TIMELESS: variants seen among roughly 807,000 people sequenced by gnomAD.
TIMELESS encodes protein timeless homolog.
In TIMELESS, 124 loss-of-function variants were observed where a neutral mutation model predicts 164.3. The ratio of observed to expected loss-of-function variants is 0.75; its 90% CI spans 0.65 to 0.88. The LOEUF (loss-of-function observed/expected upper bound fraction) is 0.88, where lower values mean the gene tolerates loss of function less well. Ranked by LOEUF, TIMELESS falls within the 40% of genes least tolerant of loss-of-function variation. TIMELESS has a pLI of 0.00. For synonymous variants in TIMELESS, 564 were observed against 563.4 expected (o/e 1.00, Z -0.02); for missense variants, 1,422 against 1,491.4 (o/e 0.95, Z 0.77).
intron 1 of TIMELESS, among the ~76,000 whole-genome samples, chr12:56,448,718 G>T (rs911215872): frequency 4.0e-5 from 6 of 151,448 alleles, no homozygotes; most frequent in African/African-American, 1.5e-4. Context: ...GACAGAACGA[G>T]ACTCCGTCTC....
At chr12:56,428,508 G>GA (rs1314686759) in intron 12 of TIMELESS, 41 bp downstream of exon 12, 2 of 1,610,250 alleles carry the variant, frequency 1.2e-6, no homozygotes, top group Admixed American at 1.7e-5. Context: ...CTCATCACGA[G>GA]ATGGGACAGG....
intron 1 of TIMELESS, among the ~76,000 whole-genome samples, chr12:56,442,200 A>C (rs1211748609): frequency 6.6e-6 from 1 of 152,158 alleles, no homozygotes; most frequent in Non-Finnish European, 1.5e-5. Flanking sequence ...AAAAAAACTA[A>C]AAAACTAGTA....
rs766877866 is a variant in TIMELESS, at chr12:56,424,928, A to G, written c.1717-15T>C. ...AGCTCAGAATTCTAGAGATGGATAA[A>G]GCTATGGGAGCGGAGGGAGTGGAAA... is the stretch of plus-strand genomic sequence containing the variant. On this transcript the variant is annotated splice_polypyrimidine_tract_variant and intron_variant, in intron 14 of 28. Transcript: ENST00000553532. 6.2e-7 allele frequency: 1 copy of G among 1,614,188 alleles called. No individual in the cohort carries two copies. The highest frequency in any genetic ancestry group is 1.1e-5 in the South Asian group (1 of 91,092).
At chr12:56,430,351 T>C in intron 9 of TIMELESS, 70 bp from the exon 10 acceptor site, 2 of 1,521,404 alleles carry the variant, frequency 1.3e-6, no homozygotes, top group South Asian at 1.3e-5. Flanking sequence ...CTCGTCAATT[T>C]TCTCAGAAGA....
intron 13 of TIMELESS, among the ~76,000 whole-genome samples, chr12:56,427,719 G>C (rs1364220674): frequency 6.6e-6 from 1 of 152,160 alleles, no homozygotes; most frequent in Non-Finnish European, 1.5e-5. Context: ...GGGATTACAG[G>C]TGTGCATCAA....
chr12:56,422,678 T>C (rs1881535391), intron 19 of TIMELESS, among the ~76,000 whole-genome samples, 169 bp downstream of exon 19: 1 of 152,180 alleles, frequency 6.6e-6, no homozygotes, highest in African/African-American at 2.4e-5. Context: ...GCTCCTCTCT[T>C]GGATAACTTT....
chr12:56,417,738 A>G lies in TIMELESS; in HGVS notation c.3605T>C (p.Ile1202Thr). 1 of 1,613,942 alleles carries G rather than the reference A, an allele frequency of 6.2e-7. No individual in the cohort carries two copies. The highest frequency in any genetic ancestry group is 1.3e-5 in the African/African-American group (1 of 74,966). Reference sequence around the variant, plus strand: ...TCTTCAGTCATCCTCATCATCCTCAATCTGGTATCGTTTCTTCTTTTGGAT... The same window carrying G: ...TCTTCAGTCATCCTCATCATCCTCAGTCTGGTATCGTTTCTTCTTTTGGAT... Reference protein sequence around the residue: ...PGIQKKKRYQIEDDEDD With the variant: ...PGIQKKKRYQTEDDEDD Residue 1202 changes from isoleucine to threonine, a missense_variant, in exon 29 of 29, where the codon ATT (isoleucine) becomes ACT (threonine). Coordinates refer to ENST00000553532, the MANE Select transcript of TIMELESS (RefSeq NM_003920.5).
Position 56,431,004 on chromosome 12 carries a change from T to C in TIMELESS, c.822-36A>G, listed in dbSNP as rs6581093. ...AAAAAGGTCCAAGGTGATTTTTCAGTTCTCTGGAAACTTTATCTCCATTCT... is the reference window on the plus strand; with the variant it reads ...AAAAAGGTCCAAGGTGATTTTTCAGCTCTCTGGAAACTTTATCTCCATTCT... On this transcript the variant is annotated intron_variant, in intron 8 of 28. Coordinates refer to ENST00000553532, the MANE Select transcript of TIMELESS (RefSeq NM_003920.5). 12,833 of 1,420,920 alleles carry C rather than the reference T, an allele frequency of 9.0e-3. 969 individuals carry two copies. In the African/African-American group the frequency reaches 0.16, roughly 18 times the overall value. The allele number at this position is 1,420,920 out of a possible 1,614,324, so 88.0% of individuals were successfully genotyped here.
Position 56,423,284 on chromosome 12 carries a change from C to T in TIMELESS, c.2282G>A (p.Gly761Glu). Residue 761 changes from glycine to glutamate, a missense_variant, in exon 18 of 29, where the codon GGA becomes GAA. Coordinates refer to ENST00000553532, the MANE Select transcript of TIMELESS (RefSeq NM_003920.5). ...FNRLLSDPAA[G>E]AYKELVTFAK... ...TTGTTATCCCCTCACTTTGTAGGCT[C>T]CAGCAGCAGGGTCACTAAGCAGACG... 6.2e-7 allele frequency: 1 copy of T among 1,614,060 alleles called. No homozygotes were observed. Among genetic ancestry groups the T allele is most frequent in the Non-Finnish European group, 8.5e-7 (1 of 1,180,004 alleles).
At position 56,421,047 on chromosome 12, in the gene TIMELESS, C is replaced by A. The variant is rs1881462757; in HGVS notation, c.2956G>T (p.Glu986Ter). Residue 986 changes from glutamate to a stop codon, truncating the protein, a stop_gained, in exon 24 of 29, where the codon GAA becomes TAA. Coordinates refer to ENST00000553532, the MANE Select transcript of TIMELESS (RefSeq NM_003920.5). LOFTEE classifies it high-confidence loss of function. Reference sequence around the variant, plus strand: ...TGTTCTGCTTCTGAGCCCCCTTCTTCTTCCTCTTCGCTGTCTTCCTCAGGC... The same window carrying A: ...TGTTCTGCTTCTGAGCCCCCTTCTTATTCCTCTTCGCTGTCTTCCTCAGGC... ...NLPEEDSEEE[E>*]EGGSEAEQVQ... 6.2e-7 allele frequency: 1 copy of A among 1,614,224 alleles called. No homozygotes were observed. Among genetic ancestry groups the A allele is most frequent in the Non-Finnish European group, 8.5e-7 (1 of 1,180,048 alleles).
chr12:56,423,695 G>T lies in TIMELESS; in HGVS notation c.1979C>A (p.Pro660Gln). The T allele has an allele frequency of 6.2e-7, 1 of 1,613,916 alleles. No homozygotes were observed. Among genetic ancestry groups the T allele is most frequent in the South Asian group, 1.1e-5 (1 of 91,056 alleles). ...LSAPLPRQQGPEERGAEEEEE... is the reference protein window; with the variant it reads ...LSAPLPRQQGQEERGAEEEEE... The stretch of plus-strand genomic sequence containing the variant: ...TTCTTCCTCTGCCCCACGTTCCTCT[G>T]GGCCCTGCTGCCCTATAGACAGAGG... The change falls in exon 17 of 29, where the codon CCA becomes CAA. Residue 660 changes from proline to glutamine, a missense_variant. Coordinates refer to ENST00000553532, the MANE Select transcript of TIMELESS (RefSeq NM_003920.5).
chr12:56,423,193 A>T lies in TIMELESS; in HGVS notation c.2292+81T>A, dbSNP rs2136134683. 3 of 1,537,070 alleles carry T rather than the reference A, an allele frequency of 2.0e-6. No individual in the cohort carries two copies. In the South Asian group the frequency reaches 3.7e-5, roughly 19 times the overall value. Reference sequence around the variant, plus strand: ...CTCCCAGCCCTTGACACCTCTCAGCACCTTCTATCTCCTGAAGATTATTTA... The same window carrying T: ...CTCCCAGCCCTTGACACCTCTCAGCTCCTTCTATCTCCTGAAGATTATTTA... On this transcript the variant is annotated intron_variant, in intron 18 of 28. Transcript: ENST00000553532.
rs1283396893 is a variant in TIMELESS at position 56,420,897 on chromosome 12, A to C, written c.3041-16T>G. 2.5e-6 allele frequency: 4 copies of C among 1,613,994 alleles called. No individual in the cohort carries two copies. Among genetic ancestry groups the C allele is most frequent in the East Asian group, 2.2e-5 (1 of 44,892 alleles). On this transcript the variant is annotated splice_polypyrimidine_tract_variant and intron_variant, in intron 24 of 28. Coordinates refer to ENST00000553532, the MANE Select transcript of TIMELESS (RefSeq NM_003920.5). ...ATAGAAAAGCCTAAGGAAATGAGGG[A>C]AACTTACATTTGACCCTACTCCCAA...
rs190673441 is a variant in TIMELESS, at chr12:56,421,525, G to T, written c.2726-32C>A. On this transcript the variant is annotated intron_variant, in intron 22 of 28. Transcript: ENST00000553532. ...AAAGCAAGCATGTGAATACCCAAGGGTAACAGGGAAAGAGATGAGTAAAAT... is the reference window on the plus strand; with the variant it reads ...AAAGCAAGCATGTGAATACCCAAGGTTAACAGGGAAAGAGATGAGTAAAAT... 100 of 1,597,084 alleles carry T rather than the reference G, an allele frequency of 6.3e-5. 3 individuals carry two copies. In the Admixed American group the frequency reaches 1.3e-3, roughly 20 times the overall value.
intron 7 of TIMELESS, 139 bp from the exon 8 acceptor site, chr12:56,431,743 G>A: frequency 1.9e-6 from 2 of 1,075,370 alleles, no homozygotes; most frequent in Non-Finnish European, 2.5e-6. Context: ...TTATCTGAGG[G>A]GGAAATGTTC....
In TIMELESS at chr12:56,433,834, C is replaced by T. The variant is rs202190037; in HGVS notation, c.190G>A (p.Asp64Asn). 7.6e-5 allele frequency: 122 copies of T among 1,614,132 alleles called. 2 individuals are homozygous for T. In the East Asian group the frequency reaches 1.4e-3, roughly 19 times the overall value. Reference protein sequence around the residue: ...QLGAAQILQSDLLPILTQHHQ... With the variant: ...QLGAAQILQSNLLPILTQHHQ... ...TGCTGGGTGAGGATGGGCAGAAGGTCGCTCTGTAGGATCTGGGCTGCCCCC... is the reference window on the plus strand; with the variant it reads ...TGCTGGGTGAGGATGGGCAGAAGGTTGCTCTGTAGGATCTGGGCTGCCCCC... Residue 64 changes from aspartate to asparagine, a missense_variant, in exon 3 of 29, where the codon GAC (aspartate) becomes AAC (asparagine). Physicochemically the swap from Asp to Asn is conservative, Grantham distance 23 (BLOSUM62 1). Coordinates refer to ENST00000553532, the MANE Select transcript of TIMELESS (RefSeq NM_003920.5).
chr12:56,443,333 T>A (rs1454837431), intron 1 of TIMELESS, among the ~76,000 whole-genome samples: 1 of 152,162 alleles, frequency 6.6e-6, no homozygotes, highest in Non-Finnish European at 1.5e-5. Flanking sequence ...TTATCTGTCT[T>A]ATGCGGTTGA....
chr12:56,418,378 TGAAA>T lies in TIMELESS; in HGVS notation c.3229-23_3229-20del. 1 of 1,576,916 alleles carries T rather than the reference TGAAA, an allele frequency of 6.3e-7. No homozygotes were observed. The highest frequency in any genetic ancestry group is 2.2e-5 in the East Asian group (1 of 44,484). The stretch of plus-strand genomic sequence containing the variant: ...AGGTTTCCTACAGGGGCCAAAAAGT[TGAAA>T]AGGGAAAGGACCAGCTTTTTGTTTC... On this transcript the variant is annotated intron_variant, in intron 26 of 28. Coordinates refer to ENST00000553532, the MANE Select transcript of TIMELESS (RefSeq NM_003920.5).
chr12:56,422,879 C>T lies in TIMELESS; in HGVS notation c.2406G>A (p.Glu802=), dbSNP rs1313036251. 1.4e-6 allele frequency: 2 copies of T among 1,459,030 alleles called. No homozygotes were observed. The highest frequency in any genetic ancestry group is 6.1e-5 in the East Asian group (2 of 33,006). The allele number at this position is 1,459,030 out of a possible 1,614,324, so 90.4% of individuals were successfully genotyped here. The change falls in exon 19 of 29, where the codon GAG becomes GAA. Residue 802 remains glutamate (E), a synonymous_variant. Transcript: ENST00000553532. ...LFWKNTAVVR[E]MTEGYGSLDD... is the part of the protein sequence containing the mutation. ...CCAGGGAGCCATAGCCCTCAGTCATCTCTCGAACCACAGCTGTGTTCTTCC... is the reference window on the plus strand; with the variant it reads ...CCAGGGAGCCATAGCCCTCAGTCATTTCTCGAACCACAGCTGTGTTCTTCC...
Sources: allele counts gnomAD v4.1 joint callset (sites outside exome capture counted in the v4.1 genomes callset), GRCh38; gene constraint gnomAD v4.1.1; transcripts MANE v1.5; gene names NCBI Gene and HGNC (gene_info 2026-07-23, HGNC 2026-07-21).